Variants in SUCLA2 observed in about 807,000 individuals in gnomAD.
SUCLA2 encodes succinate--CoA ligase [ADP-forming] subunit beta, mitochondrial.
A neutral mutation model predicts 54.8 loss-of-function variants in SUCLA2; 30 were observed. The observed-to-expected ratio is 0.55, with a 90% CI of 0.41 to 0.74. SUCLA2 has a LOEUF of 0.74. Among genes scored for constraint, SUCLA2 ranks in the 30% least tolerant of loss-of-function variants. SUCLA2 has a pLI of 0.00. For synonymous variants in SUCLA2, 172 were observed against 188.9 expected, an observed-to-expected ratio of 0.91 and a Z score of 0.74; for missense variants, 476 against 562.9, an observed-to-expected ratio of 0.85 and a Z score of 1.56.
intron 10 of SUCLA2, among the ~76,000 whole-genome samples, chr13:47,948,336 G>A (rs1275527711): frequency 6.6e-6 from 1 of 151,976 alleles, no homozygotes. Flanking sequence ...TATATAGATA[G>A]ATACACACAC....
chr13:47,953,972 T>C (rs1032589545), intron 8 of SUCLA2, among the ~76,000 whole-genome samples, 168 bp downstream of exon 8: 1 of 152,034 alleles, frequency 6.6e-6, no homozygotes, highest in African/African-American at 2.4e-5. Flanking sequence ...AAGAGTCTCT[T>C]GGTGAATTGC....
At chr13:47,947,274 TAC>T (rs34458960) in intron 10 of SUCLA2, among the ~76,000 whole-genome samples, 23,900 of 144,330 alleles carry the variant, frequency 0.17, 2,059 homozygotes, top group South Asian at 0.27. Context: ...ACACGCACAA[TAC>T]ACACACACAC....
intron 4 of SUCLA2, 155 bp downstream of exon 4, chr13:47,988,386 G>GT (rs1248576587): frequency 1.2e-6 from 1 of 824,186 alleles, no homozygotes. Context: ...TAAAGAAGCT[G>GT]TTTTTTAAAT....
chr13:47,971,714 T>C, intron 5 of SUCLA2: 1 of 392,018 alleles, frequency 2.6e-6, no homozygotes, highest in African/African-American at 2.1e-5. Flanking sequence ...AAACCACAGC[T>C]CTATTATGGA....
At chr13:47,956,611 G>A (rs1192623108) in intron 6 of SUCLA2, among the ~76,000 whole-genome samples, 1 of 152,204 alleles carries the variant, frequency 6.6e-6, no homozygotes, top group Non-Finnish European at 1.5e-5. Flanking sequence ...GCTACAGAAA[G>A]TTCTTCAGGC....
chr13:47,972,415 TC>T (rs1949974543), intron 5 of SUCLA2, among the ~76,000 whole-genome samples: 1 of 152,038 alleles, frequency 6.6e-6, no homozygotes, highest in Non-Finnish European at 1.5e-5. Flanking sequence ...ACGCCTATAA[TC>T]CCAGCACTTT....
intron 2 of SUCLA2, among the ~76,000 whole-genome samples, chr13:47,989,661 C>T (rs1428447243): frequency 3.9e-5 from 6 of 152,184 alleles, no homozygotes; most frequent in Admixed American, 2.0e-4. Context: ...CTTCCTAACA[C>T]GTCCCTCCCT....
intron 5 of SUCLA2, chr13:47,972,033 C>T (rs866584538): frequency 1.3e-5 from 5 of 391,226 alleles, no homozygotes; most frequent in African/African-American, 2.1e-5. Context: ...GGTGGATCAC[C>T]TGATGTCAGG....
At chr13:47,982,394 A>C (rs996681500) in intron 4 of SUCLA2, among the ~76,000 whole-genome samples, 6 of 152,204 alleles carry the variant, frequency 3.9e-5, no homozygotes, top group Non-Finnish European at 8.8e-5. Context: ...AGAAACACAA[A>C]GAATGGAGAT....
At chr13:47,963,884 C>T (rs1371621298) in intron 6 of SUCLA2, among the ~76,000 whole-genome samples, 2 of 152,140 alleles carry the variant, frequency 1.3e-5, no homozygotes, top group Non-Finnish European at 2.9e-5. Flanking sequence ...AGGTGGATTG[C>T]CGAACTGTGA....
At position 47,990,523 on chromosome 13, in the gene SUCLA2, C is replaced by A. The variant is rs932163197; in HGVS notation, c.272-1542G>T. Among the ~76,000 whole-genome samples the A allele has an allele frequency of 3.3e-5, 5 of 152,114 alleles. No homozygotes were observed. In the South Asian group the frequency reaches 1.0e-3, roughly 32 times the overall value. ...TGTACCAGACAGGCAGAATTCAGAG[C>A]CTCCTCATTTTGCCTCTCATAGCAT... On this transcript the variant is annotated intron_variant, in intron 2 of 10. Coordinates refer to ENST00000646932, the MANE Select transcript of SUCLA2 (RefSeq NM_003850.3).
chr13:47,951,858 C>A (rs968184523), intron 8 of SUCLA2, among the ~76,000 whole-genome samples: 1 of 152,036 alleles, frequency 6.6e-6, no homozygotes, highest in Admixed American at 6.6e-5. Flanking sequence ...ATTTTCAAAT[C>A]TCTTCTCTTC....
chr13:47,996,324 A>AC (rs56179427), intron 2 of SUCLA2, among the ~76,000 whole-genome samples: 1 of 74,106 alleles, frequency 1.3e-5, no homozygotes, highest in Non-Finnish European at 3.1e-5. Context: ...ACTCCGTCTC[A>AC]AAAAAAAAAA....
chr13:47,984,729 T>G (rs966000740), intron 4 of SUCLA2, among the ~76,000 whole-genome samples: 3 of 151,814 alleles, frequency 2.0e-5, no homozygotes, highest in African/African-American at 7.3e-5. Flanking sequence ...TGAGCAGAGA[T>G]GGCACCACTG....
intron 4 of SUCLA2, among the ~76,000 whole-genome samples, chr13:47,985,308 G>A (rs1396563050): frequency 1.3e-5 from 2 of 152,034 alleles, no homozygotes; most frequent in Non-Finnish European, 2.9e-5. Flanking sequence ...GTGCCATGGT[G>A]GTGTGCTGTA....
At chr13:47,980,274 G>C (rs964501624) in intron 4 of SUCLA2, among the ~76,000 whole-genome samples, 4 of 152,126 alleles carry the variant, frequency 2.6e-5, no homozygotes, top group African/African-American at 9.7e-5. Flanking sequence ...AATTAGCTGG[G>C]CGTGGTGGCG....
At chr13:47,966,410 T>C (rs774856228) in intron 6 of SUCLA2, among the ~76,000 whole-genome samples, 5 of 152,096 alleles carry the variant, frequency 3.3e-5, no homozygotes, top group Non-Finnish European at 7.4e-5. Flanking sequence ...TCCTTTTACT[T>C]TCCATATAAA....
At chr13:47,976,928 A>G (rs1364523874) in intron 4 of SUCLA2, among the ~76,000 whole-genome samples, 2 of 152,166 alleles carry the variant, frequency 1.3e-5, no homozygotes, top group East Asian at 1.9e-4. Context: ...TAGAAAAAGA[A>G]TAACTAAACC....
chr13:47,951,412 C>T (rs533597891), intron 8 of SUCLA2, among the ~76,000 whole-genome samples: 1 of 147,320 alleles, frequency 6.8e-6, no homozygotes, highest in South Asian at 2.1e-4. Flanking sequence ...CACTATAGAG[C>T]CTGGGACATA....
Sources: allele counts gnomAD v4.1 joint callset (sites outside exome capture counted in the v4.1 genomes callset), GRCh38; gene constraint gnomAD v4.1.1; transcripts MANE v1.5; gene names NCBI Gene and HGNC (gene_info 2026-07-23, HGNC 2026-07-21).